DLG2: variants seen among roughly 807,000 people sequenced by gnomAD.
DLG2 encodes disks large homolog 2.
Under a neutral mutation model 132.5 loss-of-function variants are expected in DLG2, and 45 were observed. The observed-to-expected ratio is 0.34, with a 90% CI of 0.27 to 0.44. The LOEUF (loss-of-function observed/expected upper bound fraction) is 0.44, where lower values mean the gene tolerates loss of function less well. Among genes scored for constraint, DLG2 ranks in the 20% least tolerant of loss-of-function variants. The pLI is 1.00. For synonymous variants in DLG2, 424 were observed against 419.6 expected (o/e 1.01, Z -0.13); for missense variants, 1,045 against 1,196.9 (o/e 0.87, Z 1.87).
intron 6 of DLG2, among the ~76,000 whole-genome samples, chr11:84,858,152 T>A (rs1174592186): frequency 1.3e-5 from 2 of 151,980 alleles, no homozygotes; most frequent in East Asian, 3.9e-4. Flanking sequence ...CTCAGCCTCC[T>A]AAAGTGCTGG....
chr11:84,131,828 A>G (rs2094435073), intron 9 of DLG2, among the ~76,000 whole-genome samples: 1 of 151,920 alleles, frequency 6.6e-6, no homozygotes, highest in Non-Finnish European at 1.5e-5. Flanking sequence ...TTCTTTTGTG[A>G]TTTTTCAAAA....
chr11:84,651,122 T>G (rs2099681565), intron 6 of DLG2, among the ~76,000 whole-genome samples: 1 of 151,996 alleles, frequency 6.6e-6, no homozygotes, highest in Non-Finnish European at 1.5e-5. Flanking sequence ...TCTATTCATT[T>G]TCATGATACC....
chr11:84,860,161 T>TA (rs933698649), intron 6 of DLG2, among the ~76,000 whole-genome samples: 12 of 152,146 alleles, frequency 7.9e-5, no homozygotes, highest in African/African-American at 2.7e-4. Context: ...CTCTTCGACT[T>TA]AAAAAAATAT....
intron 6 of DLG2, among the ~76,000 whole-genome samples, chr11:84,574,178 C>T (rs1477536211): frequency 6.6e-6 from 1 of 152,108 alleles, no homozygotes; most frequent in African/African-American, 2.4e-5. Context: ...GAGACACAAA[C>T]TGGGATTCAC....
At chr11:84,288,334 A>T (rs914618877) in intron 7 of DLG2, among the ~76,000 whole-genome samples, 1 of 152,084 alleles carries the variant, frequency 6.6e-6, no homozygotes, top group South Asian at 2.1e-4. Context: ...TATTGTCAAC[A>T]GTATTATTAT....
chr11:84,941,149 G>A lies in DLG2; in HGVS notation c.357+170512C>T, dbSNP rs113614918. Among the ~76,000 whole-genome samples the A allele has an allele frequency of 3.6e-3, 551 of 152,266 alleles. 4 individuals carry two copies. Among genetic ancestry groups the A allele is most frequent in the African/African-American group, 0.012 (505 of 41,564 alleles). ...CTATAGCTCTGTAGTATAATTTGAA[G>A]TCAGGCAATACGACTCCTCCAGTTT... On this transcript the variant is annotated intron_variant, in intron 6 of 27. Coordinates refer to ENST00000376104, the MANE Select transcript of DLG2 (RefSeq NM_001142699.3).
chr11:84,104,470 A>G (rs1269090784), intron 9 of DLG2, among the ~76,000 whole-genome samples: 1 of 152,126 alleles, frequency 6.6e-6, no homozygotes, highest in Non-Finnish European at 1.5e-5. Flanking sequence ...CCTATCTGGT[A>G]CTATGCTCAC....
chr11:84,282,248 G>A (rs2097860844), intron 7 of DLG2, among the ~76,000 whole-genome samples: 1 of 152,028 alleles, frequency 6.6e-6, no homozygotes, highest in South Asian at 2.1e-4. Flanking sequence ...AGTGAAAGAG[G>A]ACAAACAAAA....
intron 3 of DLG2, among the ~76,000 whole-genome samples, chr11:85,375,511 C>T (rs2085335027): frequency 2.0e-5 from 3 of 152,080 alleles, no homozygotes; most frequent in Admixed American, 2.0e-4. Flanking sequence ...AGACCTGTTT[C>T]TATGGGAAAA....
chr11:85,359,647 T>C (rs558060499), intron 3 of DLG2, among the ~76,000 whole-genome samples: 5 of 152,298 alleles, frequency 3.3e-5, no homozygotes, highest in African/African-American at 9.6e-5. Context: ...GTTGTAATTA[T>C]GCTGTAGTAT....
chr11:85,387,397 C>A (rs2086432226), intron 3 of DLG2, among the ~76,000 whole-genome samples: 1 of 152,148 alleles, frequency 6.6e-6, no homozygotes, highest in Non-Finnish European at 1.5e-5. Flanking sequence ...AAAGGGAGTT[C>A]TCAATTTTTC....
intron 7 of DLG2, among the ~76,000 whole-genome samples, chr11:84,403,260 T>C (rs1293744271): frequency 2.0e-5 from 3 of 152,144 alleles, no homozygotes; most frequent in African/African-American, 4.8e-5. Context: ...AGGCAAGATA[T>C]CATGTGGTTA....
intron 26 of DLG2, among the ~76,000 whole-genome samples, chr11:83,465,028 T>G (rs2090760235): frequency 6.6e-6 from 1 of 152,198 alleles, no homozygotes; most frequent in South Asian, 2.1e-4. Context: ...AAGGAGAAAT[T>G]TAATACATGC....
intron 19 of DLG2, among the ~76,000 whole-genome samples, chr11:83,618,226 T>C (rs1249231925): frequency 1.3e-5 from 2 of 152,206 alleles, no homozygotes; most frequent in African/African-American, 4.8e-5. Context: ...AATATTATTC[T>C]TTCTGTTTTG....
At position 84,555,847 on chromosome 11, in the gene DLG2, G is replaced by C. The variant is rs558698505; in HGVS notation, c.358-21116C>G. On this transcript the variant is annotated intron_variant, in intron 6 of 27. Coordinates refer to ENST00000376104, the MANE Select transcript of DLG2 (RefSeq NM_001142699.3). ...TACAATTTTTTAAAAGCTTACTCTA[G>C]CTGCCAAAGGAGAATGGATTCAAAG... is the stretch of plus-strand genomic sequence containing the variant. 2.6e-5 allele frequency among the ~76,000 whole-genome samples: 4 copies of C among 152,176 alleles called. No homozygotes were observed. In the East Asian group the frequency reaches 7.7e-4, roughly 29 times the overall value.
intron 11 of DLG2, among the ~76,000 whole-genome samples, chr11:84,052,330 T>C (rs561064123): frequency 6.6e-6 from 1 of 151,970 alleles, no homozygotes; most frequent in African/African-American, 2.4e-5. Flanking sequence ...GCCAAATATA[T>C]ATTGGTTCTA....
At chr11:83,673,359 T>A (rs563582800) in intron 18 of DLG2, among the ~76,000 whole-genome samples, 180 of 152,340 alleles carry the variant, frequency 1.2e-3, no homozygotes, top group African/African-American at 4.2e-3. Flanking sequence ...TATTGCTTTT[T>A]CTAACGTCCT....
At chr11:85,114,254 T>C (rs2073209058) in intron 5 of DLG2, among the ~76,000 whole-genome samples, 2 of 151,844 alleles carry the variant, frequency 1.3e-5, no homozygotes, top group Admixed American at 6.6e-5. Flanking sequence ...CTCAAAAGAG[T>C]AGGAGGTCAG....
intron 4 of DLG2, among the ~76,000 whole-genome samples, chr11:85,200,685 A>T (rs892480574): frequency 3.3e-5 from 5 of 152,136 alleles, no homozygotes; most frequent in African/African-American, 1.2e-4. Context: ...CTCCTGCTGC[A>T]GTCAGGAAAC....
Sources: allele counts gnomAD v4.1 joint callset (sites outside exome capture counted in the v4.1 genomes callset), GRCh38; gene constraint gnomAD v4.1.1; transcripts MANE v1.5; gene names NCBI Gene and HGNC (gene_info 2026-07-23, HGNC 2026-07-21).